NXN: variants seen among roughly 807,000 people sequenced by gnomAD.
NXN encodes the protein nucleoredoxin.
In NXN, 16 loss-of-function variants were observed where a neutral mutation model predicts 48.6. That is an observed-to-expected ratio of 0.33 (90% confidence interval 0.22 to 0.50). The LOEUF is 0.50. NXN is among the 20% of genes least tolerant of loss of function. The pLI is 0.98. For synonymous variants in NXN, 281 were observed against 269.6 expected (o/e 1.04, Z -0.41); for missense variants, 492 against 605.5 (o/e 0.81, Z 1.97).
intron 5 of NXN, among the ~76,000 whole-genome samples, chr17:808,675 A>AGTTT (rs1184835119): frequency 2.5e-5 from 2 of 80,314 alleles, no homozygotes; most frequent in Admixed American, 1.5e-4. Context: ...ATTATAAACC[A>AGTTT]GTTTTTTTTT....
rs568273671 is a variant in NXN at position 979,077 on chromosome 17, T to A, written c.360+242A>T. On this transcript the variant is annotated intron_variant, in intron 1 of 7. Coordinates refer to ENST00000336868, the MANE Select transcript of NXN (RefSeq NM_022463.5). The stretch of plus-strand genomic sequence containing the variant: ...GCGCAGCACTCGAACCAAAGAGGGG[T>A]CCTGGGATGAGGGTGCGGGCACAGC... 3.3e-3 allele frequency among the ~76,000 whole-genome samples: 388 copies of A among 118,480 alleles called. 3 individuals carry two copies. The highest frequency in any genetic ancestry group is 0.012 in the African/African-American group (362 of 29,196). 77.7% of individuals were successfully genotyped at this position (118,480 alleles called of 152,430 possible). A position where few individuals can be genotyped will look rare whatever the true frequency, so the allele number is the denominator to read the frequency against.
At chr17:950,336 A>C (rs1470515986) in intron 1 of NXN, among the ~76,000 whole-genome samples, 1 of 152,198 alleles carries the variant, frequency 6.6e-6, no homozygotes, top group Non-Finnish European at 1.5e-5. Context: ...GAGATGAAGA[A>C]CTTTAGGGTT....
At chr17:942,195 C>A (rs1217998353) in intron 1 of NXN, among the ~76,000 whole-genome samples, 17 of 137,626 alleles carry the variant, frequency 1.2e-4, no homozygotes, top group South Asian at 2.4e-4. Flanking sequence ...GAATTCACCA[C>A]ACACCTCCCT....
chr17:854,067 C>G (rs923640953), intron 1 of NXN, among the ~76,000 whole-genome samples: 1 of 152,058 alleles, frequency 6.6e-6, no homozygotes, highest in East Asian at 1.9e-4. Flanking sequence ...GTGTGTCCCC[C>G]CACTGGACTA....
chr17:803,123 C>G (rs560503591), intron 7 of NXN, among the ~76,000 whole-genome samples: 43 of 152,304 alleles, frequency 2.8e-4, no homozygotes, highest in African/African-American at 1.0e-3. Context: ...GCTGAAAGCC[C>G]CACTTTCCCA....
chr17:976,470 T>C (rs2663333), intron 1 of NXN, among the ~76,000 whole-genome samples: 38,915 of 152,078 alleles, frequency 0.26, 7,636 homozygotes, highest in African/African-American at 0.55. Context: ...TTAATGAGAA[T>C]TTAAAAAAAA....
chr17:909,958 ATATC>A (rs1247089992), intron 1 of NXN: 14 of 152,334 alleles, frequency 9.2e-5, no homozygotes, highest in African/African-American at 2.9e-4. Flanking sequence ...TTTAATATCT[ATATC>A]TATCCACTAT....
At position 825,170 on chromosome 17, in the gene NXN, A is replaced by G. The variant is rs1227313915; in HGVS notation, c.478+791T>C. Among the ~76,000 whole-genome samples the G allele has an allele frequency of 6.7e-6, 1 of 149,544 alleles. No homozygotes were observed. The highest frequency in any genetic ancestry group is 6.7e-5 in the Admixed American group (1 of 14,826). ...GAGGTCGAGGCTGCAGTGAACCGGG[A>G]TCATGCCACAGCACTCGGCCTGGGC... On this transcript the variant is annotated intron_variant, in intron 2 of 7. Transcript: ENST00000336868. The surrounding 1 kb of genome is among the most constrained non-coding windows in gnomAD (Gnocchi z 4.1).
In NXN at chr17:823,667, C is replaced by G. The variant is rs138173706; in HGVS notation, c.577G>C (p.Gly193Arg). The change falls in exon 3 of 8, where the codon GGG (glycine) becomes CGG (arginine). Residue 193 changes from glycine (G) to arginine (R), a missense_variant. Transcript: ENST00000336868. ...GQSLESSSLE[G>R]SHVGVYFSAH... is the part of the protein sequence containing the mutation. ...GAGAAATAGACGCCCACGTGAGACC[C>G]CTCCAGGCTGCTGCTCTCCAGAGAC... is the stretch of plus-strand genomic sequence containing the variant. 1.9e-6 allele frequency: 3 copies of G among 1,614,016 alleles called. No individual in the cohort carries two copies. In the African/African-American group the frequency reaches 4.0e-5, roughly 22 times the overall value.
intron 1 of NXN, among the ~76,000 whole-genome samples, chr17:924,274 T>C (rs751483439): frequency 3.9e-5 from 6 of 152,204 alleles, no homozygotes; most frequent in Non-Finnish European, 8.8e-5. Context: ...TTCGCTCTTA[T>C]TGCCCAGGCT....
At chr17:864,821 G>T (rs933544403) in intron 1 of NXN, among the ~76,000 whole-genome samples, 1 of 152,162 alleles carries the variant, frequency 6.6e-6, no homozygotes, top group African/African-American at 2.4e-5. Flanking sequence ...TCCTGAAAAC[G>T]GAGGCAACCC....
At chr17:934,296 A>ACT in intron 1 of NXN, among the ~76,000 whole-genome samples, 11 of 151,732 alleles carry the variant, frequency 7.2e-5, no homozygotes, top group African/African-American at 2.4e-4. Flanking sequence ...ATACAAAAAA[A>ACT]TTAGCCGGGC....
intron 1 of NXN, among the ~76,000 whole-genome samples, chr17:831,414 G>C (rs1292166109): frequency 6.6e-6 from 1 of 152,012 alleles, no homozygotes; most frequent in Non-Finnish European, 1.5e-5. Context: ...CTTGGAACCA[G>C]TCCCCCCGCC....
intron 1 of NXN, among the ~76,000 whole-genome samples, chr17:957,437 G>T (rs1277536994): frequency 6.6e-6 from 1 of 152,108 alleles, no homozygotes; most frequent in Non-Finnish European, 1.5e-5. Flanking sequence ...TTCAAGACCA[G>T]CCTGGCCAAG....
In NXN at chr17:978,115, C is replaced by T. The variant is rs1175320210; in HGVS notation, c.360+1204G>A. 5.3e-5 allele frequency among the ~76,000 whole-genome samples: 8 copies of T among 152,162 alleles called. No homozygotes were observed. The highest frequency in any genetic ancestry group is 1.2e-4 in the Non-Finnish European group (8 of 68,034). On this transcript the variant is annotated intron_variant, in intron 1 of 7. Transcript: ENST00000336868. The surrounding 1 kb of genome is among the most constrained non-coding windows in gnomAD (Gnocchi z 4.1). ...AATCATGCTTCTCAACAAGATTCTG[C>T]ACATATAAAAGGAACACGTGGCACG...
At chr17:885,263 C>T (rs547660564) in intron 1 of NXN, among the ~76,000 whole-genome samples, 17 of 152,190 alleles carry the variant, frequency 1.1e-4, no homozygotes, top group Admixed American at 1.1e-3. Flanking sequence ...GAGGTTGAGA[C>T]CAGCCTGGCC....
chr17:853,352 G>A (rs1176007281), intron 1 of NXN, among the ~76,000 whole-genome samples: 1 of 151,936 alleles, frequency 6.6e-6, no homozygotes, highest in African/African-American at 2.4e-5. Flanking sequence ...GGAGGTGGAG[G>A]CAGGAGAATC....
chr17:835,293 C>G (rs867505073), intron 1 of NXN, among the ~76,000 whole-genome samples: 71 of 149,396 alleles, frequency 4.8e-4, no homozygotes, highest in Admixed American at 1.5e-3. Context: ...GGAAGACAGA[C>G]CGAGACTCTG....
chr17:947,057 A>C (rs2069051877), intron 1 of NXN, among the ~76,000 whole-genome samples: 1 of 152,176 alleles, frequency 6.6e-6, no homozygotes, highest in Non-Finnish European at 1.5e-5. Context: ...GCCAGCACTC[A>C]GGGCCCAGCA....
Sources: allele counts gnomAD v4.1 joint callset (sites outside exome capture counted in the v4.1 genomes callset), GRCh38; gene constraint gnomAD v4.1.1; non-coding constraint Gnocchi (gnomAD v3.1); transcripts MANE v1.5; gene names NCBI Gene and HGNC (gene_info 2026-07-23, HGNC 2026-07-21).